The following HERPUD2 variants were observed in gnomAD, a reference collection of about 807,000 sequenced individuals.
HERPUD2 encodes the protein homocysteine-responsive endoplasmic reticulum-resident ubiquitin-like domain member 2 protein.
Under a neutral mutation model 49.9 loss-of-function variants are expected in HERPUD2, and 13 were observed. The observed-to-expected ratio is 0.26, with a 90% CI of 0.17 to 0.41. The LOEUF is 0.41. Ranked by LOEUF, HERPUD2 falls within the 10% of genes least tolerant of loss-of-function variation. The probability of loss-of-function intolerance (pLI) is 1.00; values close to 1 mark genes in which losing one functional copy is unlikely to be tolerated. For missense variants in HERPUD2, 449 were observed against 492.2 expected (o/e 0.91, Z 0.83); for synonymous variants, 172 against 171.4 (o/e 1.00, Z -0.03).
At chr7:35,693,826 T>C (rs187122934) in intron 2 of HERPUD2, among the ~76,000 whole-genome samples, 147 of 152,246 alleles carry the variant, frequency 9.7e-4, no homozygotes, top group African/African-American at 3.2e-3. Context: ...TCAGTAGACA[T>C]AGGGTTTCAC....
Position 35,670,251 on chromosome 7 carries a change from T to C in HERPUD2, c.303A>G (p.Arg101=), listed in dbSNP as rs768068588. ...PPSSPKSSTN[R]ESHEALASSS... ...TGGATGCCAATGCTTCATGACTTTCTCTATTGGTGCTGGATTTTGGAGAAC... is the reference window on the plus strand; with the variant it reads ...TGGATGCCAATGCTTCATGACTTTCCCTATTGGTGCTGGATTTTGGAGAAC... The change falls in exon 4 of 9, where the codon AGA becomes AGG. Residue 101 remains arginine (R), a synonymous_variant. Transcript: ENST00000311350. 3 of 1,586,632 alleles carry C rather than the reference T, an allele frequency of 1.9e-6. No homozygotes were observed. Among genetic ancestry groups the C allele is most frequent in the Admixed American group, 3.4e-5 (2 of 58,156 alleles).
At chr7:35,676,811 C>T (rs867766808) in intron 2 of HERPUD2, among the ~76,000 whole-genome samples, 1 of 152,134 alleles carries the variant, frequency 6.6e-6, no homozygotes, top group Non-Finnish European at 1.5e-5. Flanking sequence ...AGCAAATGTA[C>T]TAATTTGTTT....
chr7:35,649,541 G>A (rs1464374426), intron 5 of HERPUD2, among the ~76,000 whole-genome samples: 1 of 152,204 alleles, frequency 6.6e-6, no homozygotes. Flanking sequence ...AGGTGGTCAG[G>A]GGATACCCTA....
At chr7:35,674,452 GA>G (rs1562682899) in intron 2 of HERPUD2, among the ~76,000 whole-genome samples, 26 of 124,322 alleles carry the variant, frequency 2.1e-4, no homozygotes, top group South Asian at 1.6e-3. Flanking sequence ...GAGAGAGAGA[GA>G]GAGAGAGAGA....
In HERPUD2 at chr7:35,633,490, TTAA is replaced by T; in HGVS notation, c.*197_*199del. 4.9e-6 allele frequency: 2 copies of T among 405,484 alleles called. No homozygotes were observed. The highest frequency in any genetic ancestry group is 4.3e-6 in the Non-Finnish European group (1 of 230,816). 25.1% of individuals were successfully genotyped at this position (405,484 alleles called of 1,614,324 possible). A position where few individuals can be genotyped will look rare whatever the true frequency, so the allele number is the denominator to read the frequency against. On this transcript the variant is annotated 3_prime_UTR_variant, in exon 9 of 9. Transcript: ENST00000311350. ...GTTACGCTATGTTCTGTTAGGATCT[TTAA>T]AAAAAAAAAAAAAAAACTCAGATAT...
Position 35,670,195 on chromosome 7 carries a change from C to A in HERPUD2, c.339+20G>T. ...AAAAAAAAGAAAAGTTCAATGTTTACTCCTCCCAAAACAACTCACAGAATT... is the reference window on the plus strand; with the variant it reads ...AAAAAAAAGAAAAGTTCAATGTTTAATCCTCCCAAAACAACTCACAGAATT... On this transcript the variant is annotated intron_variant, in intron 4 of 8. Coordinates refer to ENST00000311350, the MANE Select transcript of HERPUD2 (RefSeq NM_022373.5). 1 of 1,240,264 alleles carries A rather than the reference C, an allele frequency of 8.1e-7. No individual in the cohort carries two copies. The highest frequency in any genetic ancestry group is 1.5e-5 in the South Asian group (1 of 67,002). The allele number at this position is 1,240,264 out of a possible 1,614,324, so 76.8% of individuals were successfully genotyped here. A position where few individuals can be genotyped will look rare whatever the true frequency, so the allele number is the denominator to read the frequency against.
At chr7:35,649,282 A>G (rs1270646849) in intron 5 of HERPUD2, among the ~76,000 whole-genome samples, 2 of 151,816 alleles carry the variant, frequency 1.3e-5, no homozygotes, top group African/African-American at 4.8e-5. Flanking sequence ...GTGGATTTAT[A>G]TTTGACCTGG....
intron 5 of HERPUD2, among the ~76,000 whole-genome samples, chr7:35,655,336 A>C (rs1785253526): frequency 6.6e-6 from 1 of 152,246 alleles, no homozygotes; most frequent in Admixed American, 6.5e-5. Context: ...AAAATACAGC[A>C]AACCAAATCC....
intron 2 of HERPUD2, among the ~76,000 whole-genome samples, chr7:35,690,381 C>T (rs924109463): frequency 1.3e-5 from 2 of 152,216 alleles, no homozygotes; most frequent in African/African-American, 4.8e-5. Flanking sequence ...AATATGGCAA[C>T]TGCCTAAATT....
At chr7:35,683,526 C>A (rs1314583582) in intron 2 of HERPUD2, among the ~76,000 whole-genome samples, 3 of 152,188 alleles carry the variant, frequency 2.0e-5, no homozygotes, top group Non-Finnish European at 4.4e-5. Flanking sequence ...GATTTCATGA[C>A]CAAGAACCCA....
At chr7:35,691,218 G>A (rs1170452378) in intron 2 of HERPUD2, among the ~76,000 whole-genome samples, 1 of 152,104 alleles carries the variant, frequency 6.6e-6, no homozygotes, top group East Asian at 1.9e-4. Context: ...AGTTTGCTAG[G>A]GGAGGGAGAA....
At chr7:35,656,466 C>T (rs1785277579) in intron 5 of HERPUD2, among the ~76,000 whole-genome samples, 1 of 151,818 alleles carries the variant, frequency 6.6e-6, no homozygotes, top group East Asian at 1.9e-4. Context: ...GAAAAAAAAT[C>T]CTAAAATTCA....
At chr7:35,674,454 GAGAGA>G (rs1430087298) in intron 2 of HERPUD2, among the ~76,000 whole-genome samples, 20 of 121,704 alleles carry the variant, frequency 1.6e-4, no homozygotes, top group South Asian at 1.4e-3. Flanking sequence ...GAGAGAGAGA[GAGAGA>G]GAGAGGAGCA....
In HERPUD2 at chr7:35,694,499, A is replaced by C; in HGVS notation, c.-169T>G. 1.5e-6 allele frequency: 1 copy of C among 680,602 alleles called. No individual in the cohort carries two copies. The highest frequency in any genetic ancestry group is 2.7e-5 in the Admixed American group (1 of 37,384). The allele number at this position is 680,602 out of a possible 1,614,324, so 42.2% of individuals were successfully genotyped here. On this transcript the variant is annotated 5_prime_UTR_variant, in exon 2 of 9. Transcript: ENST00000311350. ...GATACGAAGCCCATTGCCGGTACCA[A>C]GGATGGACTGAGGTGGTGGCGACTG...
intron 5 of HERPUD2, among the ~76,000 whole-genome samples, chr7:35,655,189 T>C (rs1169634691): frequency 1.3e-5 from 2 of 152,126 alleles, no homozygotes; most frequent in Non-Finnish European, 2.9e-5. Context: ...ACACCAATTC[T>C]CCTCAAACTA....
At chr7:35,655,932 G>A (rs1334455288) in intron 5 of HERPUD2, among the ~76,000 whole-genome samples, 2 of 152,134 alleles carry the variant, frequency 1.3e-5, no homozygotes, top group South Asian at 2.1e-4. Context: ...AGGCCGAGGT[G>A]GGCAGATCAC....
chr7:35,653,836 A>T (rs1488885658), intron 5 of HERPUD2, among the ~76,000 whole-genome samples: 1 of 152,198 alleles, frequency 6.6e-6, no homozygotes, highest in Non-Finnish European at 1.5e-5. Context: ...GAAATTAAGG[A>T]GGAGATAAAA....
chr7:35,657,275 C>T lies in HERPUD2; in HGVS notation c.494+10159G>A, dbSNP rs192012898. Among the ~76,000 whole-genome samples, 11 of 152,122 alleles carry T rather than the reference C, an allele frequency of 7.2e-5. No homozygotes were observed. In the East Asian group the frequency reaches 1.9e-3, roughly 27 times the overall value. ...TATGAAAAAAATGCTCAACATGACT[C>T]AGTAGGGAAATGCAAATCAAAACCA... On this transcript the variant is annotated intron_variant, in intron 5 of 8. Transcript: ENST00000311350.
intron 5 of HERPUD2, among the ~76,000 whole-genome samples, chr7:35,661,995 G>A (rs1785434168): frequency 6.6e-6 from 1 of 152,172 alleles, no homozygotes; most frequent in Admixed American, 6.5e-5. Flanking sequence ...CATTCAGTAT[G>A]ATATTGGCTG....
Sources: allele counts gnomAD v4.1 joint callset (sites outside exome capture counted in the v4.1 genomes callset), GRCh38; gene constraint gnomAD v4.1.1; transcripts MANE v1.5; gene names NCBI Gene and HGNC (gene_info 2026-07-23, HGNC 2026-07-21).